ZCCHC17: variants seen among roughly 807,000 people sequenced by gnomAD.
ZCCHC17 encodes the protein zinc finger CCHC domain-containing protein 17.
Under a neutral mutation model 30.6 loss-of-function variants are expected in ZCCHC17, and 18 were observed. That is an observed-to-expected ratio of 0.59 (90% CI 0.41 to 0.87). ZCCHC17 has a LOEUF of 0.87. Among genes scored for constraint, ZCCHC17 ranks in the 40% least tolerant of loss-of-function variants. The probability of loss-of-function intolerance (pLI) is 0.00; values close to 1 mark genes in which losing one functional copy is unlikely to be tolerated. For synonymous variants in ZCCHC17, 88 were observed against 92.4 expected (o/e 0.95, Z 0.27); for missense variants, 263 against 284.2 (o/e 0.93, Z 0.54).
chr1:31,357,391 ACT>A (rs1639683091), intron 7 of ZCCHC17, among the ~76,000 whole-genome samples: 1 of 151,892 alleles, frequency 6.6e-6, no homozygotes, highest in African/African-American at 2.4e-5. Flanking sequence ...TTCCTTTAAG[ACT>A]CTTCACAATC....
intron 3 of ZCCHC17, among the ~76,000 whole-genome samples, chr1:31,320,490 C>T (rs1225863868): frequency 1.3e-5 from 2 of 152,130 alleles, no homozygotes; most frequent in East Asian, 3.9e-4. Context: ...TCTCTATGCC[C>T]CCAGCTTTAG....
chr1:31,301,134 T>C (rs1194659051), intron 1 of ZCCHC17, among the ~76,000 whole-genome samples: 1 of 152,184 alleles, frequency 6.6e-6, no homozygotes, highest in Non-Finnish European at 1.5e-5. Context: ...CATCAATCAA[T>C]AGCATACTGA....
rs1640043689 is a variant in ZCCHC17 at position 31,364,192 on chromosome 1, G to C, written c.725G>C (p.Ter242SerextTer76). The stretch of plus-strand genomic sequence containing the variant: ...AAGCACAAGAAGAAGCACAAGGAGT[G>C]AGAGTATAAAGAGTGTAGGGGGTGG... The part of the protein sequence containing the change: ...KKKHKKKHKE[*>S] The change falls in exon 8 of 8, where the codon TGA becomes TCA. Residue 242 changes from the stop codon to serine, a stop_lost. Coordinates refer to ENST00000344147, the MANE Select transcript of ZCCHC17 (RefSeq NM_016505.4). The C allele has an allele frequency of 6.2e-7, 1 of 1,612,724 alleles. No individual in the cohort carries two copies.
At chr1:31,332,452 G>A (rs965886715) in intron 3 of ZCCHC17, among the ~76,000 whole-genome samples, 1 of 151,660 alleles carries the variant, frequency 6.6e-6, no homozygotes, top group Non-Finnish European at 1.5e-5. Flanking sequence ...GTTTCCTTTT[G>A]GTCTATGTCC....
intron 7 of ZCCHC17, among the ~76,000 whole-genome samples, chr1:31,359,688 A>T (rs550477212): frequency 6.6e-6 from 1 of 152,288 alleles, no homozygotes; most frequent in Admixed American, 6.5e-5. Flanking sequence ...TAGCTGCTCT[A>T]ACAAGGGATA....
At chr1:31,299,460 C>T (rs1037313330) in intron 1 of ZCCHC17, among the ~76,000 whole-genome samples, 3 of 152,176 alleles carry the variant, frequency 2.0e-5, no homozygotes, top group African/African-American at 7.2e-5. Flanking sequence ...CCTGAAAAAT[C>T]TGGAAAACTA....
chr1:31,340,187 G>A (rs182800991), intron 5 of ZCCHC17, among the ~76,000 whole-genome samples: 79 of 151,530 alleles, frequency 5.2e-4, no homozygotes, highest in South Asian at 3.8e-3. Context: ...AGGCTCAAGC[G>A]ATCCTCCCAC....
chr1:31,346,331 T>C (rs560655242), intron 5 of ZCCHC17, among the ~76,000 whole-genome samples: 1 of 152,328 alleles, frequency 6.6e-6, no homozygotes, highest in East Asian at 1.9e-4. Context: ...GCTGATTTTC[T>C]AGAAAGCCTT....
At chr1:31,335,978 A>T (rs923834833) in intron 3 of ZCCHC17, among the ~76,000 whole-genome samples, 1 of 151,996 alleles carries the variant, frequency 6.6e-6, no homozygotes, top group African/African-American at 2.4e-5. Context: ...TTTTCCAGTT[A>T]TTGTTCATTA....
chr1:31,339,960 C>CTTTTTT (rs36008834), intron 5 of ZCCHC17, among the ~76,000 whole-genome samples: 1,585 of 90,356 alleles, frequency 0.018, 116 homozygotes, highest in Non-Finnish European at 0.027. Context: ...TCTTGGATTT[C>CTTTTTT]TTTTTTTTTT....
intron 2 of ZCCHC17, among the ~76,000 whole-genome samples, chr1:31,310,911 T>G (rs1387672738): frequency 1.3e-5 from 2 of 152,188 alleles, no homozygotes; most frequent in African/African-American, 4.8e-5. Context: ...TCCAGTCTAT[T>G]TGCAAGTCCT....
chr1:31,363,201 TGAG>T (rs1639987878), intron 7 of ZCCHC17, among the ~76,000 whole-genome samples: 1 of 150,262 alleles, frequency 6.7e-6, no homozygotes. Flanking sequence ...TTTTTTTTTT[TGAG>T]ACGGAGTCTC....
Position 31,364,287 on chromosome 1 carries a change from T to C in ZCCHC17, c.*94T>C, listed in dbSNP as rs1483025105. Reference sequence around the variant, plus strand: ...AAGACTCAATAGTGAGAATATAGCCTCCCACCCCATTAACTTCGCTCCCAT... The same window carrying C: ...AAGACTCAATAGTGAGAATATAGCCCCCCACCCCATTAACTTCGCTCCCAT... On this transcript the variant is annotated 3_prime_UTR_variant, in exon 8 of 8. Coordinates refer to ENST00000344147, the MANE Select transcript of ZCCHC17 (RefSeq NM_016505.4). 6.8e-7 allele frequency: 1 copy of C among 1,466,644 alleles called. No homozygotes were observed. The highest frequency in any genetic ancestry group is 2.5e-5 in the East Asian group (1 of 40,394). 90.9% of individuals were successfully genotyped at this position (1,466,644 alleles called of 1,614,324 possible).
intron 7 of ZCCHC17, among the ~76,000 whole-genome samples, chr1:31,350,713 C>T (rs1639438827): frequency 6.6e-6 from 1 of 152,188 alleles, no homozygotes; most frequent in African/African-American, 2.4e-5. Flanking sequence ...AATTCTCCTG[C>T]CTCAGCCTCC....
chr1:31,323,572 C>T (rs144495969), intron 3 of ZCCHC17, among the ~76,000 whole-genome samples: 2,176 of 151,918 alleles, frequency 0.014, 19 homozygotes, highest in Non-Finnish European at 0.023. Context: ...CTGCCTGCCT[C>T]GGCCTCCCAA....
At chr1:31,356,111 A>G (rs187697851) in intron 7 of ZCCHC17, among the ~76,000 whole-genome samples, 2 of 152,370 alleles carry the variant, frequency 1.3e-5, no homozygotes, top group East Asian at 3.9e-4. Flanking sequence ...AGTTCAGTTA[A>G]TGCATTTCTA....
At chr1:31,305,209 G>A (rs1569737305) in intron 1 of ZCCHC17, among the ~76,000 whole-genome samples, 1 of 152,270 alleles carries the variant, frequency 6.6e-6, no homozygotes, top group East Asian at 1.9e-4. Context: ...CCTCTGGTTG[G>A]TTGACTTAGA....
intron 1 of ZCCHC17, among the ~76,000 whole-genome samples, chr1:31,300,699 G>A (rs1019316698): frequency 1.3e-5 from 2 of 152,036 alleles, no homozygotes; most frequent in Non-Finnish European, 2.9e-5. Context: ...ACTTTGGGAG[G>A]CCGAGGCAGG....
At chr1:31,329,456 A>G (rs1336563349) in intron 3 of ZCCHC17, among the ~76,000 whole-genome samples, 2 of 152,214 alleles carry the variant, frequency 1.3e-5, no homozygotes, top group African/African-American at 4.8e-5. Flanking sequence ...TTATGATAGA[A>G]GCTCAAATAT....
Sources: allele counts gnomAD v4.1 joint callset (sites outside exome capture counted in the v4.1 genomes callset), GRCh38; gene constraint gnomAD v4.1.1; transcripts MANE v1.5; gene names NCBI Gene and HGNC (gene_info 2026-07-23, HGNC 2026-07-21).